The following PTPRG variants were observed in gnomAD, a reference collection of about 807,000 sequenced individuals.
The protein encoded by PTPRG is protein tyrosine phosphatase receptor type G.
A neutral mutation model predicts 165.3 loss-of-function variants in PTPRG; 102 were observed. The observed-to-expected ratio is 0.62, with a 90% CI of 0.53 to 0.73. The LOEUF (loss-of-function observed/expected upper bound fraction) is 0.73. Among genes scored for constraint, PTPRG ranks in the 30% least tolerant of loss-of-function variants. The probability of loss-of-function intolerance (pLI) is 0.00; values close to 1 mark genes in which losing one functional copy is unlikely to be tolerated. For synonymous variants in PTPRG, 675 were observed against 669.5 expected, an observed-to-expected ratio of 1.01 and a Z score of -0.13; for missense variants, 1,866 against 1,861.4, an observed-to-expected ratio of 1.00 and a Z score of -0.05.
At chr3:62,092,883 G>A (rs576451708) in intron 5 of PTPRG, among the ~76,000 whole-genome samples, 14 of 152,254 alleles carry the variant, frequency 9.2e-5, no homozygotes, top group African/African-American at 3.1e-4. Flanking sequence ...GGGAAGGGTC[G>A]TTAACCTGCA....
At chr3:61,765,996 C>A (rs2034003417) in intron 2 of PTPRG, among the ~76,000 whole-genome samples, 1 of 152,122 alleles carries the variant, frequency 6.6e-6, no homozygotes, top group Non-Finnish European at 1.5e-5. Context: ...TCTATTGAAA[C>A]CCAATTTTTA....
chr3:62,147,724 ACCT>A (rs1201744569), intron 6 of PTPRG, among the ~76,000 whole-genome samples: 3 of 152,132 alleles, frequency 2.0e-5, no homozygotes, highest in Non-Finnish European at 2.9e-5. Context: ...ATTATTAGGC[ACCT>A]ACTGTGTTCT....
At chr3:61,691,336 C>T (rs552780658) in intron 1 of PTPRG, among the ~76,000 whole-genome samples, 30 of 152,234 alleles carry the variant, frequency 2.0e-4, no homozygotes, top group African/African-American at 6.3e-4. Flanking sequence ...AAGCCCAGGA[C>T]ATAAAGGCTA....
chr3:61,581,609 CTTTTTTTTTTT>C (rs138750100), intron 1 of PTPRG, among the ~76,000 whole-genome samples: 5 of 137,106 alleles, frequency 3.6e-5, no homozygotes, highest in South Asian at 2.4e-4. Context: ...TTCTTTTTTT[CTTTTTTTTTTT>C]TTTTTTTATG....
intron 2 of PTPRG, among the ~76,000 whole-genome samples, chr3:61,937,410 C>A (rs148158804): frequency 5.3e-5 from 8 of 152,320 alleles, no homozygotes; most frequent in African/African-American, 1.9e-4. Context: ...CATGGAGTTA[C>A]CATTCTCTTG....
chr3:62,136,145 A>C (rs903203127), intron 6 of PTPRG, among the ~76,000 whole-genome samples: 31 of 152,158 alleles, frequency 2.0e-4, no homozygotes, highest in African/African-American at 7.0e-4. Flanking sequence ...TAGTGCTCAG[A>C]GATTCTTACA....
intron 2 of PTPRG, among the ~76,000 whole-genome samples, chr3:61,857,548 G>A (rs2037146833): frequency 6.6e-6 from 1 of 152,200 alleles, no homozygotes; most frequent in Non-Finnish European, 1.5e-5. Context: ...TGATTCTTGA[G>A]TGTGACTCGA....
At chr3:62,282,195 C>G (rs901325945) in intron 27 of PTPRG, among the ~76,000 whole-genome samples, 1 of 151,840 alleles carries the variant, frequency 6.6e-6, no homozygotes, top group Non-Finnish European at 1.5e-5. Context: ...TTTATTGTCA[C>G]TTGAAATTTT....
intron 3 of PTPRG, among the ~76,000 whole-genome samples, chr3:61,995,600 G>C (rs1013000000): frequency 5.9e-5 from 9 of 151,670 alleles, no homozygotes; most frequent in African/African-American, 1.7e-4. Flanking sequence ...GGGTGTGTGG[G>C]TATGGGGGTG....
intron 2 of PTPRG, among the ~76,000 whole-genome samples, chr3:61,890,188 A>G (rs182898089): frequency 6.6e-6 from 1 of 152,300 alleles, no homozygotes; most frequent in East Asian, 1.9e-4. Context: ...TCCTTAAAGT[A>G]TTTATTAGAT....
intron 2 of PTPRG, among the ~76,000 whole-genome samples, chr3:61,857,868 T>C (rs181359724): frequency 3.6e-4 from 55 of 152,272 alleles, no homozygotes; most frequent in South Asian, 1.5e-3. Context: ...ATTATGGACA[T>C]TGGGGATAGC....
intron 2 of PTPRG, among the ~76,000 whole-genome samples, chr3:61,896,350 A>G (rs2038353603): frequency 6.6e-6 from 1 of 152,198 alleles, no homozygotes; most frequent in Non-Finnish European, 1.5e-5. Flanking sequence ...ACTTGGAATA[A>G]TTCTCGGGAA....
intron 2 of PTPRG, among the ~76,000 whole-genome samples, chr3:61,946,700 G>A (rs879574054): frequency 5.9e-5 from 9 of 152,250 alleles, no homozygotes; most frequent in South Asian, 2.1e-4. Flanking sequence ...AATTAGTGTC[G>A]CTTTCTGCAT....
chr3:61,762,622 A>G lies in PTPRG; in HGVS notation c.190+13640A>G, dbSNP rs559940371. Among the ~76,000 whole-genome samples the G allele has an allele frequency of 3.3e-5, 5 of 152,290 alleles. No homozygotes were observed. The East Asian group carries it at 9.7e-4, about 29-fold the overall frequency. ...CAACACTGTTGCTTCTCTTTGACGT[A>G]TGAGTACACCATAGCTAGCAATATT... On this transcript the variant is annotated intron_variant, in intron 2 of 29. Coordinates refer to ENST00000474889, the MANE Select transcript of PTPRG (RefSeq NM_002841.4).
intron 2 of PTPRG, among the ~76,000 whole-genome samples, chr3:61,964,298 A>T (rs1003484969): frequency 1.3e-5 from 2 of 152,212 alleles, no homozygotes; most frequent in African/African-American, 4.8e-5. Context: ...GGAGAGGATA[A>T]AATTAATCAG....
chr3:61,708,325 T>TC (rs1201928844), intron 1 of PTPRG, among the ~76,000 whole-genome samples: 4 of 151,628 alleles, frequency 2.6e-5, no homozygotes, highest in Non-Finnish European at 4.4e-5. Flanking sequence ...GTGACCTGCC[T>TC]CCAGGAGTGT....
At chr3:62,170,795 G>A (rs779510230) in intron 8 of PTPRG, among the ~76,000 whole-genome samples, 4 of 152,104 alleles carry the variant, frequency 2.6e-5, no homozygotes, top group Non-Finnish European at 5.9e-5. Flanking sequence ...CTTATTATTG[G>A]AGAGCTACAC....
rs541384870 is a variant in PTPRG at position 61,601,113 on chromosome 3, A to G, written c.85+38741A>G. ...CTACCAAAAAATAGAAAAATTAGCC[A>G]GACGTGATGGCACACGCCTGTAGTC... is the stretch of plus-strand genomic sequence containing the variant. On this transcript the variant is annotated intron_variant, in intron 1 of 29. Coordinates refer to ENST00000474889, the MANE Select transcript of PTPRG (RefSeq NM_002841.4). Among the ~76,000 whole-genome samples the G allele has an allele frequency of 8.1e-4, 123 of 152,272 alleles. 6 individuals carry two copies. The South Asian group carries it at 0.025, about 32-fold the overall frequency.
chr3:61,741,205 A>T (rs2032968001), intron 1 of PTPRG, among the ~76,000 whole-genome samples: 1 of 152,168 alleles, frequency 6.6e-6, no homozygotes, highest in Non-Finnish European at 1.5e-5. Flanking sequence ...GGGATCTTTA[A>T]TTTGTTTGTT....
Sources: allele counts gnomAD v4.1 joint callset (sites outside exome capture counted in the v4.1 genomes callset), GRCh38; gene constraint gnomAD v4.1.1; transcripts MANE v1.5; gene names NCBI Gene and HGNC (gene_info 2026-07-23, HGNC 2026-07-21).